Variants in MAD1L1 observed in about 807,000 individuals in gnomAD.
MAD1L1 encodes mitotic spindle assembly checkpoint protein MAD1.
In MAD1L1, 95 loss-of-function variants were observed where a neutral mutation model predicts 96.9. The observed-to-expected ratio is 0.98, with a 90% confidence interval of 0.83 to 1.16. The LOEUF (loss-of-function observed/expected upper bound fraction) is 1.16, where lower values mean the gene tolerates loss of function less well. MAD1L1 is among the 50% of genes most tolerant of loss of function. The probability of loss-of-function intolerance (pLI) is 0.00; values close to 1 mark genes in which losing one functional copy is unlikely to be tolerated. For synonymous variants in MAD1L1, 473 were observed against 396.6 expected, an observed-to-expected ratio of 1.19 and a Z score of -2.29; for missense variants, 1,007 against 954.4, an observed-to-expected ratio of 1.06 and a Z score of -0.73.
At chr7:2,135,167 A>G (rs1788692837) in intron 11 of MAD1L1, among the ~76,000 whole-genome samples, 3 of 152,244 alleles carry the variant, frequency 2.0e-5, no homozygotes, top group Non-Finnish European at 4.4e-5. Flanking sequence ...TCACCCACCC[A>G]GCAGGCAAGG....
Position 1,821,095 on chromosome 7 carries a change from G to C in MAD1L1, c.1999-4867C>G, listed in dbSNP as rs1362321808. On this transcript the variant is annotated intron_variant, in intron 18 of 18. Coordinates refer to ENST00000265854, the MANE Select transcript of MAD1L1 (RefSeq NM_001013836.2). ...GACTCCATCTCAAAAAAAAAAAAAG[G>C]GGGGGGGGAGAGTGAAATGACCAAT... is the stretch of plus-strand genomic sequence containing the variant. Among the ~76,000 whole-genome samples, 20 of 28,636 alleles carry C rather than the reference G, an allele frequency of 7.0e-4. 1 individual carries two copies. Among genetic ancestry groups the C allele is most frequent in the Non-Finnish European group, 1.7e-3 (16 of 9,342 alleles). The allele number at this position is 28,636 out of a possible 152,430, so 18.8% of individuals were successfully genotyped here.
At chr7:2,197,911 A>G (rs530645552) in intron 10 of MAD1L1, among the ~76,000 whole-genome samples, 1 of 151,044 alleles carries the variant, frequency 6.6e-6, no homozygotes, top group African/African-American at 2.4e-5. Flanking sequence ...CCCAGCCCCC[A>G]GGTCCCAGCC....
chr7:1,884,107 G>C (rs545282025), intron 18 of MAD1L1, among the ~76,000 whole-genome samples: 1 of 152,344 alleles, frequency 6.6e-6, no homozygotes, highest in East Asian at 1.9e-4. Flanking sequence ...GCAGCACTGG[G>C]ACCGCAAGCC....
intron 11 of MAD1L1, among the ~76,000 whole-genome samples, chr7:2,084,273 G>C (rs911314693): frequency 1.9e-4 from 29 of 152,256 alleles, no homozygotes; most frequent in Non-Finnish European, 1.0e-4. Context: ...AAAGTCCAGG[G>C]GGGACAGAAA....
intron 17 of MAD1L1, among the ~76,000 whole-genome samples, chr7:1,923,601 G>A (rs889724627): frequency 2.0e-5 from 3 of 152,280 alleles, no homozygotes; most frequent in Non-Finnish European, 2.9e-5. Context: ...GACAGGGTGC[G>A]TGGGGCATGT....
At chr7:2,182,134 A>G (rs1222691924) in intron 10 of MAD1L1, among the ~76,000 whole-genome samples, 1 of 152,190 alleles carries the variant, frequency 6.6e-6, no homozygotes, top group Non-Finnish European at 1.5e-5. Context: ...AATAAAAAAT[A>G]AAATCCCATT....
chr7:1,821,589 C>A (rs1303517895), intron 18 of MAD1L1, among the ~76,000 whole-genome samples: 1 of 152,062 alleles, frequency 6.6e-6, no homozygotes, highest in Non-Finnish European at 1.5e-5. Context: ...CACACCCTGA[C>A]CAAGTGGGAT....
chr7:1,825,198 T>C (rs572176166), intron 18 of MAD1L1, among the ~76,000 whole-genome samples: 2 of 152,326 alleles, frequency 1.3e-5, no homozygotes, highest in South Asian at 2.1e-4. Context: ...TGCGGACACA[T>C]GCAAGCCCCA....
chr7:2,005,539 G>A (rs1270787188), intron 13 of MAD1L1, among the ~76,000 whole-genome samples: 1 of 152,200 alleles, frequency 6.6e-6, no homozygotes, highest in Non-Finnish European at 1.5e-5. Context: ...CCGTGCTCAT[G>A]CCTGTGACAC....
chr7:2,086,233 G>A (rs147245962), intron 11 of MAD1L1, among the ~76,000 whole-genome samples: 53 of 152,312 alleles, frequency 3.5e-4, no homozygotes, highest in Middle Eastern at 3.4e-3. Flanking sequence ...CAGATTCTCC[G>A]TCCTCCTCCC....
At chr7:2,020,303 G>A (rs916778388) in intron 12 of MAD1L1, among the ~76,000 whole-genome samples, 7 of 152,150 alleles carry the variant, frequency 4.6e-5, no homozygotes, top group Non-Finnish European at 8.8e-5. Flanking sequence ...AGGAACTCAC[G>A]AGGCCCGAGA....
chr7:1,978,921 G>A (rs928484695), intron 15 of MAD1L1, among the ~76,000 whole-genome samples: 10 of 152,182 alleles, frequency 6.6e-5, no homozygotes, highest in African/African-American at 1.4e-4. Context: ...CTCAGACTCC[G>A]GCAGATCCCA....
intron 17 of MAD1L1, among the ~76,000 whole-genome samples, chr7:1,924,682 G>C (rs1788996292): frequency 1.3e-5 from 2 of 152,146 alleles, no homozygotes; most frequent in Admixed American, 6.5e-5. Context: ...AAAGAAGGAA[G>C]AGGCAAAACC....
chr7:2,220,945 T>C (rs1300429609), intron 5 of MAD1L1: 34 of 1,612,248 alleles, frequency 2.1e-5, no homozygotes, highest in Non-Finnish European at 2.7e-5. Context: ...GTCACCCGTG[T>C]TGTAGGGGAC....
chr7:1,964,616 G>C (rs1276893248), intron 15 of MAD1L1, among the ~76,000 whole-genome samples: 1 of 152,172 alleles, frequency 6.6e-6, no homozygotes, highest in Non-Finnish European at 1.5e-5. Context: ...TCTTGAAATT[G>C]ACTTACTGCA....
At chr7:2,008,633 G>A (rs1038393664) in intron 13 of MAD1L1, among the ~76,000 whole-genome samples, 2 of 152,236 alleles carry the variant, frequency 1.3e-5, no homozygotes, top group Non-Finnish European at 2.9e-5. Flanking sequence ...CCTGCTCGCA[G>A]GCAGGCCAGG....
At chr7:1,854,644 C>T (rs992959723) in intron 18 of MAD1L1, among the ~76,000 whole-genome samples, 5 of 152,184 alleles carry the variant, frequency 3.3e-5, no homozygotes, top group South Asian at 2.1e-4. Context: ...AGTGGGGATT[C>T]GGTTTCCACG....
At chr7:2,018,903 G>A (rs1343472280) in intron 12 of MAD1L1, among the ~76,000 whole-genome samples, 1 of 152,116 alleles carries the variant, frequency 6.6e-6, no homozygotes, top group Non-Finnish European at 1.5e-5. Context: ...TCTCTGCAGG[G>A]CCTCTTCCCA....
intron 9 of MAD1L1, among the ~76,000 whole-genome samples, chr7:2,215,370 C>G (rs1454537226): frequency 8.2e-6 from 1 of 122,516 alleles, no homozygotes; most frequent in African/African-American, 3.7e-5. Flanking sequence ...GGGCGAGACT[C>G]CATCTCAAAA....
Sources: allele counts gnomAD v4.1 joint callset (sites outside exome capture counted in the v4.1 genomes callset), GRCh38; gene constraint gnomAD v4.1.1; transcripts MANE v1.5; gene names NCBI Gene and HGNC (gene_info 2026-07-23, HGNC 2026-07-21).